PRKN: variants seen among roughly 807,000 people sequenced by gnomAD.
PRKN encodes E3 ubiquitin-protein ligase parkin.
A neutral mutation model predicts 59.5 loss-of-function variants in PRKN; 56 were observed. The observed-to-expected ratio is 0.94, with a 90% confidence interval of 0.76 to 1.18. The LOEUF (loss-of-function observed/expected upper bound fraction) is 1.18. PRKN is among the 50% of genes most tolerant of loss of function. PRKN has a pLI of 0.00. For synonymous variants in PRKN, 250 were observed against 222.1 expected, an observed-to-expected ratio of 1.13 and a Z score of -1.12; for missense variants, 657 against 596.4, an observed-to-expected ratio of 1.10 and a Z score of -1.06.
intron 3 of PRKN, among the ~76,000 whole-genome samples, chr6:162,239,965 G>A (rs1174663345): frequency 6.6e-6 from 1 of 152,142 alleles, no homozygotes; most frequent in Non-Finnish European, 1.5e-5. Context: ...ATAACAGCAT[G>A]AGTACTACTT....
intron 7 of PRKN, among the ~76,000 whole-genome samples, chr6:161,655,006 C>T (rs1784284907): frequency 6.6e-6 from 1 of 152,208 alleles, no homozygotes; most frequent in African/African-American, 2.4e-5. Context: ...CAGCTGCAGT[C>T]AGAGCCAGAC....
chr6:162,422,479 C>T (rs770965632), intron 2 of PRKN, among the ~76,000 whole-genome samples: 44 of 152,164 alleles, frequency 2.9e-4, no homozygotes, highest in Non-Finnish European at 1.2e-4. Flanking sequence ...GTAGAGCTCT[C>T]ACAGGGCAGG....
intron 4 of PRKN, among the ~76,000 whole-genome samples, chr6:162,199,897 T>A (rs1784648914): frequency 6.6e-6 from 1 of 152,116 alleles, no homozygotes; most frequent in Non-Finnish European, 1.5e-5. Context: ...GGCTGCCACC[T>A]TGACCCTGGC....
chr6:162,373,145 A>G (rs1035078891), intron 2 of PRKN, among the ~76,000 whole-genome samples: 3 of 82,484 alleles, frequency 3.6e-5, no homozygotes, highest in African/African-American at 9.9e-5. Flanking sequence ...GAATATTTGG[A>G]AAAAAATAAT....
intron 1 of PRKN, among the ~76,000 whole-genome samples, chr6:162,565,129 G>A (rs1363295132): frequency 6.6e-6 from 1 of 152,136 alleles, no homozygotes; most frequent in Non-Finnish European, 1.5e-5. Context: ...ATAAAGTTAA[G>A]GTATAGAGTT....
rs182662945 is a variant in PRKN at position 161,373,713 on chromosome 6, A to C, written c.1167+13081T>G. On this transcript the variant is annotated intron_variant, in intron 10 of 11. Coordinates refer to ENST00000366898, the MANE Select transcript of PRKN (RefSeq NM_004562.3). This position sits in a 1 kb window ranked among gnomAD's most constrained non-coding sequence, Gnocchi z 4.8. ...AAACGGGCTATGCCTCTGTGCTTGC[A>C]AGGAACAAGTGTAGAGCAGGTGAAC... Among the ~76,000 whole-genome samples the C allele has an allele frequency of 2.0e-5, 3 of 152,216 alleles. No homozygotes were observed. The East Asian group carries it at 5.8e-4, about 30-fold the overall frequency.
chr6:161,542,993 A>G (rs1779670741), intron 9 of PRKN, among the ~76,000 whole-genome samples: 1 of 152,226 alleles, frequency 6.6e-6, no homozygotes, highest in Admixed American at 6.5e-5. Flanking sequence ...GAATAAGAAA[A>G]GTAACCATTT....
chr6:161,789,296 G>A (rs1378345020), intron 6 of PRKN, among the ~76,000 whole-genome samples: 5 of 152,140 alleles, frequency 3.3e-5, no homozygotes, highest in Admixed American at 6.5e-5. Context: ...CACCTACTTC[G>A]GGTTAGGTGG....
At chr6:162,465,740 A>G (rs553842393) in intron 1 of PRKN, among the ~76,000 whole-genome samples, 15 of 152,352 alleles carry the variant, frequency 9.8e-5, no homozygotes, top group African/African-American at 3.4e-4. Context: ...TGACATGGAC[A>G]TTTAGAAAAT....
At chr6:162,147,073 G>A (rs990420608) in intron 4 of PRKN, among the ~76,000 whole-genome samples, 2 of 149,990 alleles carry the variant, frequency 1.3e-5, no homozygotes, top group Non-Finnish European at 3.0e-5. Flanking sequence ...GGGTCCGGTA[G>A]CTCAGGCCTG....
At chr6:162,182,728 C>T (rs1323095906) in intron 4 of PRKN, among the ~76,000 whole-genome samples, 1 of 152,172 alleles carries the variant, frequency 6.6e-6, no homozygotes, top group Non-Finnish European at 1.5e-5. Flanking sequence ...TTGTAATTTG[C>T]AGATATTGCC....
At chr6:162,039,507 TTCTC>T (rs992634305) in intron 5 of PRKN, among the ~76,000 whole-genome samples, 4 of 152,054 alleles carry the variant, frequency 2.6e-5, no homozygotes, top group African/African-American at 9.7e-5. Flanking sequence ...TGGCACCTCC[TTCTC>T]TCTCTCTTGT....
intron 6 of PRKN, among the ~76,000 whole-genome samples, chr6:161,816,447 G>A (rs776620301): frequency 1.3e-5 from 2 of 152,014 alleles, no homozygotes; most frequent in Non-Finnish European, 2.9e-5. Flanking sequence ...TGGTCTTACC[G>A]GTGTATACAT....
At chr6:161,673,275 G>A (rs574030027) in intron 7 of PRKN, among the ~76,000 whole-genome samples, 2 of 152,182 alleles carry the variant, frequency 1.3e-5, no homozygotes, top group African/African-American at 4.8e-5. Flanking sequence ...TGTGCGGGGT[G>A]GGGGCTGGGA....
At chr6:161,859,553 G>A (rs1435627795) in intron 6 of PRKN, among the ~76,000 whole-genome samples, 3 of 143,534 alleles carry the variant, frequency 2.1e-5, no homozygotes, top group Non-Finnish European at 4.5e-5. Flanking sequence ...GGAGGTTTCA[G>A]TGAGTTGAGA....
chr6:162,568,174 T>C (rs537969156), intron 1 of PRKN, among the ~76,000 whole-genome samples: 5 of 152,234 alleles, frequency 3.3e-5, no homozygotes, highest in Non-Finnish European at 5.9e-5. Flanking sequence ...CAAGAAAACA[T>C]TGGGGAAACT....
chr6:162,361,186 T>G (rs1358142120), intron 2 of PRKN, among the ~76,000 whole-genome samples: 1 of 152,082 alleles, frequency 6.6e-6, no homozygotes, highest in Non-Finnish European at 1.5e-5. Context: ...ACATTTTTAC[T>G]TCAGAAGTTC....
At chr6:162,182,656 G>A (rs1011308431) in intron 4 of PRKN, among the ~76,000 whole-genome samples, 1 of 152,196 alleles carries the variant, frequency 6.6e-6, no homozygotes, top group Non-Finnish European at 1.5e-5. Flanking sequence ...AGGAGTACAC[G>A]GGAATTTTTC....
At chr6:162,107,554 G>A (rs764090824) in intron 4 of PRKN, among the ~76,000 whole-genome samples, 2 of 152,204 alleles carry the variant, frequency 1.3e-5, no homozygotes, top group Non-Finnish European at 2.9e-5. Flanking sequence ...GAACAGAAGA[G>A]TTTCTCATTT....
Sources: gnomAD v4.1 joint callset for allele counts (sites outside exome capture counted in the v4.1 genomes callset) on GRCh38, gnomAD v4.1.1 for gene constraint, Gnocchi (gnomAD v3.1) non-coding constraint, MANE v1.5 for transcripts, NCBI Gene and HGNC (gene_info 2026-07-23, HGNC 2026-07-21) for gene names.